Variants in DYNC1I1 observed in about 807,000 individuals in gnomAD.
DYNC1I1 encodes cytoplasmic dynein 1 intermediate chain 1.
In DYNC1I1, 43 loss-of-function variants were observed where a neutral mutation model predicts 86.6. The ratio of observed to expected loss-of-function variants is 0.50; its 90% CI spans 0.39 to 0.64. DYNC1I1 has a LOEUF of 0.64. Among genes scored for constraint, DYNC1I1 ranks in the 30% least tolerant of loss-of-function variants. The pLI, the probability that DYNC1I1 is intolerant of heterozygous loss-of-function variation, is 0.00. For synonymous variants in DYNC1I1, 262 were observed against 283.7 expected (o/e 0.92, Z 0.77); for missense variants, 604 against 788.8 (o/e 0.77, Z 2.81).
At chr7:96,045,779 G>A (rs576230403) in intron 14 of DYNC1I1, among the ~76,000 whole-genome samples, 1 of 152,252 alleles carries the variant, frequency 6.6e-6, no homozygotes, top group Admixed American at 6.5e-5. Context: ...GAGATGTGGG[G>A]CAGGGGAACT....
At position 96,076,133 on chromosome 7, in the gene DYNC1I1, C is replaced by A. The variant is rs779672282; in HGVS notation, c.1586C>A (p.Ala529Glu). Reference protein sequence around the residue: ...YDVMWSPVHPALFACVDGMGR... With the variant: ...YDVMWSPVHPELFACVDGMGR... Reference sequence around the variant, plus strand: ...GTCATGTGGTCCCCCGTGCATCCTGCGCTTTTTGCCTGCGTGGACGGGATG... The same window carrying A: ...GTCATGTGGTCCCCCGTGCATCCTGAGCTTTTTGCCTGCGTGGACGGGATG... The change falls in exon 15 of 17, where the codon GCG becomes GAG. Residue 529 changes from alanine to glutamate, a missense_variant. Ala to Glu is a moderately radical substitution (Grantham distance 107). Coordinates refer to ENST00000447467, the MANE Select transcript of DYNC1I1 (RefSeq NM_001135556.2). 1 of 1,614,166 alleles carries A rather than the reference C, an allele frequency of 6.2e-7. No homozygotes were observed. The highest frequency in any genetic ancestry group is 8.5e-7 in the Non-Finnish European group (1 of 1,180,022).
At chr7:95,880,501 A>G (rs757985120) in intron 6 of DYNC1I1, among the ~76,000 whole-genome samples, 1 of 152,112 alleles carries the variant, frequency 6.6e-6, no homozygotes, top group Non-Finnish European at 1.5e-5. Flanking sequence ...CCTTTGTGCC[A>G]TGAGTCATAC....
intron 14 of DYNC1I1, among the ~76,000 whole-genome samples, chr7:96,039,722 C>A (rs775495623): frequency 6.6e-6 from 1 of 152,158 alleles, no homozygotes; most frequent in Non-Finnish European, 1.5e-5. Context: ...ACCCCCTTCA[C>A]TGCCTGCACC....
intron 1 of DYNC1I1, among the ~76,000 whole-genome samples, chr7:95,777,871 G>T (rs1454298185): frequency 6.6e-6 from 1 of 151,916 alleles, no homozygotes; most frequent in Non-Finnish European, 1.5e-5. Context: ...AATCCCTCAA[G>T]AATTTTTTAA....
At position 96,027,859 on chromosome 7, in the gene DYNC1I1, A is replaced by C. The variant is rs181793736; in HGVS notation, c.970-316A>C. On this transcript the variant is annotated intron_variant, in intron 10 of 16. Transcript: ENST00000447467. ...TGCAATTCTATGTGACAAATGGGAA[A>C]TGTCCATAAAGCAAGATTTACAGAC... Among the ~76,000 whole-genome samples, 236 of 152,318 alleles carry C rather than the reference A, an allele frequency of 1.5e-3. 6 individuals are homozygous for C. Among genetic ancestry groups the C allele is most frequent in the Admixed American group, 0.014 (210 of 15,296 alleles).
chr7:96,075,249 G>A (rs1790294514), intron 14 of DYNC1I1, among the ~76,000 whole-genome samples: 1 of 152,202 alleles, frequency 6.6e-6, no homozygotes, highest in Non-Finnish European at 1.5e-5. Context: ...TCCCTCTGGA[G>A]TGGAAGCATT....
At chr7:95,833,147 T>C (rs1373287765) in intron 5 of DYNC1I1, among the ~76,000 whole-genome samples, 1 of 145,246 alleles carries the variant, frequency 6.9e-6, no homozygotes. Flanking sequence ...GATTTTTGTA[T>C]AAGGTGTAAG....
intron 10 of DYNC1I1, among the ~76,000 whole-genome samples, chr7:96,001,121 T>C (rs548780457): frequency 6.6e-6 from 1 of 152,280 alleles, no homozygotes; most frequent in East Asian, 1.9e-4. Context: ...TTCTATCCAG[T>C]TCCCTAAATG....
At chr7:95,956,708 G>T (rs193119957) in intron 6 of DYNC1I1, among the ~76,000 whole-genome samples, 2 of 152,296 alleles carry the variant, frequency 1.3e-5, no homozygotes, top group East Asian at 3.9e-4. Context: ...CAGATGACAT[G>T]AACTCATTCT....
At chr7:96,014,470 A>G (rs1794355472) in intron 10 of DYNC1I1, among the ~76,000 whole-genome samples, 2 of 152,214 alleles carry the variant, frequency 1.3e-5, no homozygotes, top group South Asian at 2.1e-4. Context: ...ATTAACATGT[A>G]AAGAAACCCT....
At chr7:95,774,383 A>T (rs898045219) in intron 1 of DYNC1I1, among the ~76,000 whole-genome samples, 1 of 152,172 alleles carries the variant, frequency 6.6e-6, no homozygotes, top group African/African-American at 2.4e-5. Context: ...AGTCCCCTGG[A>T]GGAGGAGGGG....
In DYNC1I1 at chr7:95,828,050, C is replaced by G. The variant is rs1384546563; in HGVS notation, c.315-7C>G. ...TGTGTTCTTTTTCCTTTGTGCTGCA[C>G]AATTAGGACCCTGCAGTGGGACACA... On this transcript the variant is annotated splice_polypyrimidine_tract_variant and splice_region_variant and intron_variant, in intron 4 of 16. Coordinates refer to ENST00000447467, the MANE Select transcript of DYNC1I1 (RefSeq NM_001135556.2). 1.2e-6 allele frequency: 2 copies of G among 1,613,612 alleles called. No homozygotes were observed. The highest frequency in any genetic ancestry group is 1.7e-6 in the Non-Finnish European group (2 of 1,179,756).
intron 5 of DYNC1I1, among the ~76,000 whole-genome samples, chr7:95,832,762 G>A (rs1788948516): frequency 6.6e-6 from 1 of 152,042 alleles, no homozygotes; most frequent in Non-Finnish European, 1.5e-5. Context: ...CTGCATAAAT[G>A]TCTTCTTTTG....
At chr7:95,942,312 A>C (rs965395669) in intron 6 of DYNC1I1, among the ~76,000 whole-genome samples, 1 of 152,196 alleles carries the variant, frequency 6.6e-6, no homozygotes, top group Non-Finnish European at 1.5e-5. Flanking sequence ...GCCTCCCAAG[A>C]CTAAACCAGG....
In DYNC1I1 at chr7:96,080,469, G is replaced by A. The variant is rs749691258; in HGVS notation, c.1757G>A (p.Trp586Ter). The A allele has an allele frequency of 1.2e-6, 2 of 1,614,166 alleles. No individual in the cohort carries two copies. Among genetic ancestry groups the A allele is most frequent in the Admixed American group, 1.7e-5 (1 of 60,026 alleles). The change falls in exon 16 of 17, where the codon TGG becomes TAG. Residue 586 changes from tryptophan to a stop codon, truncating the protein, a stop_gained. Coordinates refer to ENST00000447467, the MANE Select transcript of DYNC1I1 (RefSeq NM_001135556.2). LOFTEE classifies it high-confidence loss of function. ...VAVGDSEGRI[W>*]VYDVGELAVP... is the part of the protein sequence containing the mutation. ...GTTGGGGACTCGGAAGGCCGTATTT[G>A]GGTCTATGACGTTGGAGAGGTACGT...
intron 5 of DYNC1I1, among the ~76,000 whole-genome samples, chr7:95,839,116 C>T (rs1041138405): frequency 7.9e-5 from 12 of 152,060 alleles, no homozygotes; most frequent in South Asian, 2.1e-4. Flanking sequence ...CTGCAACCTC[C>T]GCCTCCCAGG....
At chr7:95,820,349 GGAT>G (rs1435710964) in intron 4 of DYNC1I1, among the ~76,000 whole-genome samples, 3 of 152,096 alleles carry the variant, frequency 2.0e-5, no homozygotes, top group Non-Finnish European at 4.4e-5. Flanking sequence ...GTGATATGAT[GGAT>G]TTTAAAATGT....
intron 6 of DYNC1I1, among the ~76,000 whole-genome samples, chr7:95,975,336 A>C (rs1366341669): frequency 6.6e-6 from 1 of 152,140 alleles, no homozygotes; most frequent in African/African-American, 2.4e-5. Flanking sequence ...TGAGATCAAG[A>C]AGTCTGTGGG....
intron 6 of DYNC1I1, among the ~76,000 whole-genome samples, chr7:95,936,486 TG>T (rs1792043606): frequency 6.6e-6 from 1 of 151,932 alleles, no homozygotes; most frequent in Non-Finnish European, 1.5e-5. Context: ...CATCTGTATC[TG>T]GTTTTTAGGT....
Sources: gnomAD v4.1 joint callset for allele counts (sites outside exome capture counted in the v4.1 genomes callset) on GRCh38, gnomAD v4.1.1 for gene constraint, MANE v1.5 for transcripts, NCBI Gene and HGNC (gene_info 2026-07-23, HGNC 2026-07-21) for gene names.